The following QKI variants were observed in gnomAD, a reference collection of about 807,000 sequenced individuals.
QKI encodes the protein QKI, KH domain containing RNA binding, also known as KH domain-containing RNA-binding protein QKI.
A neutral mutation model predicts 39.0 loss-of-function variants in QKI; 10 were observed. The ratio of observed to expected loss-of-function variants is 0.26; its 90% CI spans 0.16 to 0.43. The LOEUF (loss-of-function observed/expected upper bound fraction) is 0.43. QKI is among the 20% of genes least tolerant of loss of function. The pLI is 1.00. For synonymous variants in QKI, 204 were observed against 155.4 expected, an observed-to-expected ratio of 1.31 and a Z score of -2.33; for missense variants, 218 against 428.0, an observed-to-expected ratio of 0.51 and a Z score of 4.33.
chr6:163,562,731 A>G (rs1783112366), intron 5 of QKI, among the ~76,000 whole-genome samples: 2 of 152,240 alleles, frequency 1.3e-5, no homozygotes, highest in African/African-American at 4.8e-5. Flanking sequence ...CCATGTTTAA[A>G]TTACTGATTA....
chr6:163,526,480 G>C (rs761184383), intron 3 of QKI, among the ~76,000 whole-genome samples: 8 of 152,164 alleles, frequency 5.3e-5, no homozygotes, highest in Non-Finnish European at 1.0e-4. Flanking sequence ...TTGTGCTTCA[G>C]TGGGCAGTAA....
At chr6:163,441,429 T>C (rs1789753776) in intron 1 of QKI, among the ~76,000 whole-genome samples, 1 of 152,348 alleles carries the variant, frequency 6.6e-6, no homozygotes. Context: ...TTTGTGCTAA[T>C]AGTCCTAATA....
chr6:163,527,415 G>A (rs1780582599), intron 3 of QKI, among the ~76,000 whole-genome samples: 1 of 152,106 alleles, frequency 6.6e-6, no homozygotes, highest in Admixed American at 6.6e-5. Context: ...GTTTTTGTCA[G>A]CATGTAACAC....
At chr6:163,491,150 C>CTG (rs989217540) in intron 3 of QKI, among the ~76,000 whole-genome samples, 6 of 152,126 alleles carry the variant, frequency 3.9e-5, no homozygotes, top group African/African-American at 1.2e-4. Flanking sequence ...TTCAAACTGT[C>CTG]TGTGGTAAGA....
chr6:163,437,129 G>C (rs1789362843), intron 1 of QKI, among the ~76,000 whole-genome samples: 1 of 152,208 alleles, frequency 6.6e-6, no homozygotes, highest in Non-Finnish European at 1.5e-5. Flanking sequence ...CTTTGTGAGA[G>C]AGATGATGTA....
chr6:163,474,914 CTT>C (rs1005657537), intron 2 of QKI, among the ~76,000 whole-genome samples: 2 of 150,126 alleles, frequency 1.3e-5, no homozygotes, highest in Admixed American at 6.6e-5. Context: ...CAAAAATAAA[CTT>C]GACGTTATTG....
At chr6:163,568,786 A>G in intron 7 of QKI, 2 of 984,894 alleles carry the variant, frequency 2.0e-6, no homozygotes, top group African/African-American at 1.7e-5. Context: ...CTAAAAGTAA[A>G]CTCACCTCTT....
At chr6:163,418,161 A>G (rs1354257511) in intron 1 of QKI, among the ~76,000 whole-genome samples, 1 of 151,936 alleles carries the variant, frequency 6.6e-6, no homozygotes, top group Non-Finnish European at 1.5e-5. Flanking sequence ...ATTTAGTAAA[A>G]ATTTTACTTT....
chr6:163,515,888 C>A (rs1190729543), intron 3 of QKI, among the ~76,000 whole-genome samples: 1 of 152,112 alleles, frequency 6.6e-6, no homozygotes, highest in Non-Finnish European at 1.5e-5. Flanking sequence ...AAGCTTTTCA[C>A]TTTTTATTTT....
chr6:163,569,590 C>T, intron 7 of QKI: 1 of 1,054,848 alleles, frequency 9.5e-7, no homozygotes, highest in South Asian at 2.9e-5. Context: ...GAAGGAACAA[C>T]TCAAGGACAT....
chr6:163,564,964 A>T (rs967076988), intron 6 of QKI: 3 of 1,297,416 alleles, frequency 2.3e-6, no homozygotes, highest in South Asian at 2.3e-5. Context: ...GAACACTAAG[A>T]TTTAAACTCG....
chr6:163,507,496 A>T (rs1466600714), intron 3 of QKI, among the ~76,000 whole-genome samples: 1 of 152,220 alleles, frequency 6.6e-6, no homozygotes, highest in South Asian at 2.1e-4. Context: ...GCCTGAGGCA[A>T]AGCACATTAG....
chr6:163,530,425 G>A (rs1376792714), intron 3 of QKI, among the ~76,000 whole-genome samples: 3 of 152,140 alleles, frequency 2.0e-5, no homozygotes, highest in Admixed American at 1.3e-4. Flanking sequence ...GACTAAAAGA[G>A]GACCTTTTGG....
At chr6:163,465,111 A>C (rs1791637001) in intron 2 of QKI, among the ~76,000 whole-genome samples, 1 of 152,206 alleles carries the variant, frequency 6.6e-6, no homozygotes, top group South Asian at 2.1e-4. Context: ...GATGCAAAAA[A>C]GGCATTTGAC....
intron 1 of QKI, among the ~76,000 whole-genome samples, chr6:163,434,092 C>A (rs1789055588): frequency 6.6e-6 from 1 of 151,968 alleles, no homozygotes; most frequent in African/African-American, 2.4e-5. Flanking sequence ...TTTAATCCAG[C>A]TCTTTGCTGG....
chr6:163,492,293 G>A lies in QKI; in HGVS notation c.402+13397G>A, dbSNP rs1583087216. Among the ~76,000 whole-genome samples, 4 of 152,230 alleles carry A rather than the reference G, an allele frequency of 2.6e-5. No individual in the cohort carries two copies. The South Asian group carries it at 6.2e-4, about 24-fold the overall frequency. ...GTTTTCTGTTTATTTCTTCAGTTAT[G>A]AGAGACCACTATTAAATTATTTTGT... On this transcript the variant is annotated intron_variant, in intron 3 of 7. Transcript: ENST00000361752.
At chr6:163,568,369 AT>A (rs1783500381) in intron 7 of QKI, 1 of 985,602 alleles carries the variant, frequency 1.0e-6, no homozygotes, top group African/African-American at 1.7e-5. Context: ...AGTTGGACAT[AT>A]TTTAGGAAGA....
At chr6:163,530,815 A>T (rs2128240152) in intron 3 of QKI, among the ~76,000 whole-genome samples, 1 of 152,240 alleles carries the variant, frequency 6.6e-6, no homozygotes, top group Admixed American at 6.5e-5. Context: ...TTTGATTTTG[A>T]AGTGTCCGCT....
At chr6:163,525,867 G>C (rs1780483963) in intron 3 of QKI, among the ~76,000 whole-genome samples, 1 of 152,164 alleles carries the variant, frequency 6.6e-6, no homozygotes, top group Non-Finnish European at 1.5e-5. Context: ...TGAGAAATAG[G>C]TGATTATAAT....
Sources: allele counts gnomAD v4.1 joint callset (sites outside exome capture counted in the v4.1 genomes callset), GRCh38; gene constraint gnomAD v4.1.1; transcripts MANE v1.5; gene names NCBI Gene and HGNC (gene_info 2026-07-23, HGNC 2026-07-21).